Variants in EYS observed in about 807,000 individuals in gnomAD.
EYS encodes the protein protein eyes shut homolog.
Under a neutral mutation model 282.1 loss-of-function variants are expected in EYS, and 250 were observed. The observed-to-expected ratio is 0.89, with a 90% CI of 0.80 to 0.98. The LOEUF is 0.98. EYS is among the 50% of genes least tolerant of loss of function. EYS has a pLI of 0.00. For synonymous variants in EYS, 1,355 were observed against 1,282.9 expected, an observed-to-expected ratio of 1.06 and a Z score of -1.20; for missense variants, 4,016 against 3,709.0, an observed-to-expected ratio of 1.08 and a Z score of -2.15.
intron 41 of EYS, among the ~76,000 whole-genome samples, chr6:63,761,603 G>A (rs1039527075): frequency 2.0e-5 from 3 of 151,876 alleles, no homozygotes; most frequent in African/African-American, 7.3e-5. Context: ...TCCAAATAAT[G>A]CAAAGGTGGA....
At chr6:63,995,926 A>G (rs1401881564) in intron 34 of EYS, among the ~76,000 whole-genome samples, 2 of 151,948 alleles carry the variant, frequency 1.3e-5, no homozygotes, top group East Asian at 3.9e-4. Context: ...ATATTTAAAA[A>G]CAACTAAATG....
Position 64,186,243 on chromosome 6 carries a change from T to C in EYS, c.6424+44349A>G, listed in dbSNP as rs367616277. ...TTGTGGGTATACAGGCTTATATGTG[T>C]GTTTTACACACACACACACACACAC... On this transcript the variant is annotated intron_variant, in intron 31 of 42. Coordinates refer to ENST00000503581, the MANE Select transcript of EYS (RefSeq NM_001142800.2). Among the ~76,000 whole-genome samples the C allele has an allele frequency of 3.7e-3, 456 of 122,430 alleles. 5 individuals carry two copies. Among genetic ancestry groups the C allele is most frequent in the African/African-American group, 0.014 (436 of 32,044 alleles). The allele number at this position is 122,430 out of a possible 152,430, so 80.3% of individuals were successfully genotyped here. A position where few individuals can be genotyped will look rare whatever the true frequency, so the allele number is the denominator to read the frequency against.
At chr6:65,631,934 CA>C (rs1450142852) in intron 2 of EYS, among the ~76,000 whole-genome samples, 35 of 152,136 alleles carry the variant, frequency 2.3e-4, no homozygotes, top group Admixed American at 6.6e-4. Context: ...ATGTGGCAGA[CA>C]CTCTTTAGTT....
chr6:63,941,008 T>A (rs1352125506), intron 35 of EYS, among the ~76,000 whole-genome samples: 1 of 152,124 alleles, frequency 6.6e-6, no homozygotes, highest in Non-Finnish European at 1.5e-5. Context: ...GCAAAGGACA[T>A]GAACTCACCC....
chr6:64,189,649 C>T (rs1469535176), intron 31 of EYS, among the ~76,000 whole-genome samples: 4 of 152,044 alleles, frequency 2.6e-5, no homozygotes, highest in Non-Finnish European at 1.5e-5. Flanking sequence ...GTGGGTGGAA[C>T]TCATTCAATA....
chr6:65,675,114 T>C (rs1460996123), intron 1 of EYS, among the ~76,000 whole-genome samples: 2 of 151,468 alleles, frequency 1.3e-5, no homozygotes, highest in Non-Finnish European at 2.9e-5. Flanking sequence ...ATAAGAGATA[T>C]GCAAAAGAAA....
chr6:63,739,595 G>A (rs1486776882), intron 41 of EYS, among the ~76,000 whole-genome samples: 1 of 152,110 alleles, frequency 6.6e-6, no homozygotes, highest in Non-Finnish European at 1.5e-5. Flanking sequence ...CATTTAGAAA[G>A]GGGTGGGGTG....
At chr6:63,955,460 T>C (rs1765775825) in intron 35 of EYS, among the ~76,000 whole-genome samples, 1 of 152,124 alleles carries the variant, frequency 6.6e-6, no homozygotes, top group African/African-American at 2.4e-5. Context: ...ACTTTTATAT[T>C]CACTCTTATT....
chr6:65,664,900 C>T (rs996186704), intron 1 of EYS, among the ~76,000 whole-genome samples: 7 of 152,048 alleles, frequency 4.6e-5, no homozygotes, highest in African/African-American at 7.2e-5. Context: ...CAGTTTTCAA[C>T]GTTCTCATCC....
chr6:65,550,143 CTTTTTTTTTTTTTTTTTTTT>C (rs1048251073), intron 2 of EYS, among the ~76,000 whole-genome samples: 5 of 5,956 alleles, frequency 8.4e-4, no homozygotes, highest in African/African-American at 1.3e-3. Context: ...TCTACTATAT[CTTTTTTTTTTTTTTTTTTTT>C]TTTTTTTTTT....
At position 65,170,080 on chromosome 6, in the gene EYS, T is replaced by C. The variant is rs187116702; in HGVS notation, c.2024-112353A>G. 2.6e-5 allele frequency among the ~76,000 whole-genome samples: 4 copies of C among 151,676 alleles called. No homozygotes were observed. In the East Asian group the frequency reaches 7.8e-4, roughly 30 times the overall value. On this transcript the variant is annotated intron_variant, in intron 12 of 42. Transcript: ENST00000503581. The stretch of plus-strand genomic sequence containing the variant: ...TAATGATGGTGCTATAAAATAATTA[T>C]AGGGACACTTTCCTGAGTGAGTCAA...
chr6:65,665,829 A>T (rs557308052), intron 1 of EYS, among the ~76,000 whole-genome samples: 29 of 152,178 alleles, frequency 1.9e-4, no homozygotes, highest in African/African-American at 6.7e-4. Flanking sequence ...ATAAGTATGG[A>T]TAAACTTTGT....
At chr6:65,504,680 G>A (rs1222307933) in intron 2 of EYS, among the ~76,000 whole-genome samples, 3 of 151,134 alleles carry the variant, frequency 2.0e-5, no homozygotes, top group East Asian at 1.9e-4. Flanking sequence ...TTAGAGTATC[G>A]ATATGGTAGA....
chr6:64,833,497 T>C (rs1765285500), intron 19 of EYS, among the ~76,000 whole-genome samples: 1 of 151,846 alleles, frequency 6.6e-6, no homozygotes, highest in Admixed American at 6.6e-5. Flanking sequence ...TCTGTGACTA[T>C]GCAGACTTCA....
chr6:63,806,121 G>T, intron 37 of EYS, 69 bp downstream of exon 37: 1 of 1,311,584 alleles, frequency 7.6e-7, no homozygotes, highest in Non-Finnish European at 1.0e-6. Flanking sequence ...CAATTAGAGT[G>T]TCCCTGAGGA....
intron 30 of EYS, among the ~76,000 whole-genome samples, chr6:64,241,043 G>A (rs1439373123): frequency 1.3e-5 from 2 of 152,142 alleles, no homozygotes; most frequent in African/African-American, 4.8e-5. Context: ...TTTGTGTGAT[G>A]GAGTAGGTTT....
At chr6:64,796,994 C>T (rs557633421) in intron 22 of EYS, among the ~76,000 whole-genome samples, 1 of 152,134 alleles carries the variant, frequency 6.6e-6, no homozygotes, top group East Asian at 1.9e-4. Context: ...GTGAGTGCTT[C>T]CCATGGTAGT....
chr6:64,509,522 A>G (rs745543517), intron 26 of EYS, among the ~76,000 whole-genome samples: 1 of 152,180 alleles, frequency 6.6e-6, no homozygotes, highest in African/African-American at 2.4e-5. Flanking sequence ...AATGTATTCA[A>G]TGGAATTGAT....
In EYS at chr6:63,720,850, TTATG is replaced by T. The variant is rs1162806402; in HGVS notation, c.9177_9180del (p.Tyr3059Ter). 6.4e-7 allele frequency: 1 copy of T among 1,551,224 alleles called. No homozygotes were observed. The highest frequency in any genetic ancestry group is 1.4e-5 in the African/African-American group (1 of 73,130). On this transcript the variant is annotated frameshift_variant, in exon 43 of 43. Coordinates refer to ENST00000503581, the MANE Select transcript of EYS (RefSeq NM_001142800.2). LOFTEE classifies it high-confidence loss of function. ...TCCTCGGAAAGAATTAGACTGTTATTTATGTAGGCCTTGATAAGAGTCTGATTTT... is the reference window on the plus strand; with the variant it reads ...TCCTCGGAAAGAATTAGACTGTTATTTAGGCCTTGATAAGAGTCTGATTTT...
Sources: allele counts gnomAD v4.1 joint callset (sites outside exome capture counted in the v4.1 genomes callset), GRCh38; gene constraint gnomAD v4.1.1; transcripts MANE v1.5; gene names NCBI Gene and HGNC (gene_info 2026-07-23, HGNC 2026-07-21).